The following MRPS2 variants were observed in gnomAD, a reference collection of about 807,000 sequenced individuals.
The protein encoded by MRPS2 is small ribosomal subunit protein uS2m.
Under a neutral mutation model 18.9 loss-of-function variants are expected in MRPS2, and 13 were observed. The ratio of observed to expected loss-of-function variants is 0.69; its 90% confidence interval spans 0.45 to 1.09. The LOEUF (loss-of-function observed/expected upper bound fraction) is 1.09, where lower values mean the gene tolerates loss of function less well. Among genes scored for constraint, MRPS2 ranks in the 50% least tolerant of loss-of-function variants. The pLI is 0.00. For missense variants in MRPS2, 389 were observed against 421.7 expected (o/e 0.92, Z 0.68); for synonymous variants, 186 against 178.4 (o/e 1.04, Z -0.34).
At chr9:135,501,503 C>A in intron 2 of MRPS2, 2 of 798,918 alleles carry the variant, frequency 2.5e-6, no homozygotes, top group Non-Finnish European at 3.4e-6. Context: ...TCTGGCTGGC[C>A]ACCTGAGACC....
intron 1 of MRPS2, 56 bp from the exon 2 acceptor site, chr9:135,500,942 A>G: frequency 6.2e-7 from 1 of 1,602,062 alleles, no homozygotes; most frequent in African/African-American, 1.3e-5. Flanking sequence ...TGCGGTGGGG[A>G]GCGGGCGTGG....
chr9:135,503,306 A>T, intron 3 of MRPS2: 1 of 1,395,816 alleles, frequency 7.2e-7, no homozygotes, highest in Non-Finnish European at 9.3e-7. Flanking sequence ...TCCTTCGGGA[A>T]GAGGTAGAGG....
In MRPS2 at chr9:135,500,988, T is replaced by G; in HGVS notation, c.44-10T>G. 6.2e-7 allele frequency: 1 copy of G among 1,611,454 alleles called. No homozygotes were observed. Among genetic ancestry groups the G allele is most frequent in the South Asian group, 1.1e-5 (1 of 90,940 alleles). ...ACTCGGCGCCAGGACCTCTATCTAC[T>G]TCCCCCCAGGTGCCCGGGCCCCGTC... is the stretch of plus-strand genomic sequence containing the variant. On this transcript the variant is annotated splice_polypyrimidine_tract_variant and intron_variant, in intron 1 of 3. Coordinates refer to ENST00000241600, the MANE Select transcript of MRPS2 (RefSeq NM_016034.5).
At position 135,504,007 on chromosome 9, in the gene MRPS2, G is replaced by A. The variant is rs199945795; in HGVS notation, c.765G>A (p.Thr255=). 4.3e-5 allele frequency: 70 copies of A among 1,613,398 alleles called. No homozygotes were observed. Among genetic ancestry groups the A allele is most frequent in the South Asian group, 1.8e-4 (16 of 91,092 alleles). ...ACCTCTACTGCAGGCTCTTCCAGAC[G>A]GCCATCACCCGGGCCAAGGAGAAGC... ...AVHLYCRLFQ[T]AITRAKEKRQ... is the part of the protein sequence containing the mutation. The change falls in exon 4 of 4, where the codon ACG becomes ACA. Residue 255 remains threonine (T), a synonymous_variant. Transcript: ENST00000241600. This position sits in a 1 kb window ranked among gnomAD's most constrained non-coding sequence, Gnocchi z 4.3.
upstream of MRPS2, chr9:135,500,216 T>C (rs1158819127): frequency 3.2e-6 from 1 of 317,082 alleles, no homozygotes; most frequent in Admixed American, 4.8e-5. Flanking sequence ...GATTGGACTT[T>C]TGCTGTCCAA....
intron 2 of MRPS2, 174 bp downstream of exon 2, chr9:135,501,297 G>A: frequency 7.0e-7 from 1 of 1,424,312 alleles, no homozygotes; most frequent in Non-Finnish European, 9.1e-7. Flanking sequence ...TAGCACAGCG[G>A]GCTGAGGCCA....
upstream of MRPS2, chr9:135,500,121 T>A (rs965449135): frequency 2.2e-6 from 1 of 459,288 alleles, no homozygotes; most frequent in Non-Finnish European, 3.8e-6. Context: ...GGGCGTGGAC[T>A]CCCGGGCGAA....
In MRPS2 at chr9:135,504,621, G is replaced by T. The variant is rs1831251634; in HGVS notation, c.*488G>T. ...CCAGCTGGGTTGGTGGGACAGCCAGGCCAGATGACCTGATTCCAGCAAAAA... is the reference window on the plus strand; with the variant it reads ...CCAGCTGGGTTGGTGGGACAGCCAGTCCAGATGACCTGATTCCAGCAAAAA... On this transcript the variant is annotated 3_prime_UTR_variant, in exon 4 of 4. Coordinates refer to ENST00000241600, the MANE Select transcript of MRPS2 (RefSeq NM_016034.5). This position sits in a 1 kb window ranked among gnomAD's most constrained non-coding sequence, Gnocchi z 4.3. 1 of 159,246 alleles carries T rather than the reference G, an allele frequency of 6.3e-6. No individual in the cohort carries two copies. The highest frequency in any genetic ancestry group is 1.4e-5 in the Non-Finnish European group (1 of 73,108). The allele number at this position is 159,246 out of a possible 1,614,324, so 9.9% of individuals were successfully genotyped here.
chr9:135,504,249 C>A lies in MRPS2; in HGVS notation c.*116C>A. 1.1e-6 allele frequency: 1 copy of A among 937,318 alleles called. No individual in the cohort carries two copies. The highest frequency in any genetic ancestry group is 1.6e-6 in the Non-Finnish European group (1 of 643,120). 58.1% of individuals were successfully genotyped at this position (937,318 alleles called of 1,614,324 possible). A position where few individuals can be genotyped will look rare whatever the true frequency, so the allele number is the denominator to read the frequency against. On this transcript the variant is annotated 3_prime_UTR_variant, in exon 4 of 4. Coordinates refer to ENST00000241600, the MANE Select transcript of MRPS2 (RefSeq NM_016034.5). The surrounding 1 kb of genome is among the most constrained non-coding windows in gnomAD (Gnocchi z 4.3). Reference sequence around the variant, plus strand: ...GTTGTTACTTACTCAGCTGATGTCACAGTGCAGACATCCACCGTTCCACCA... The same window carrying A: ...GTTGTTACTTACTCAGCTGATGTCAAAGTGCAGACATCCACCGTTCCACCA...
At chr9:135,501,262 C>G in intron 2 of MRPS2, 139 bp downstream of exon 2, 2 of 1,430,756 alleles carry the variant, frequency 1.4e-6, no homozygotes, top group Non-Finnish European at 1.8e-6. Context: ...CTCCCGTGCT[C>G]GCCGCCGCTC....
chr9:135,501,813 G>A (rs772322237), intron 2 of MRPS2, 31 bp from the exon 3 acceptor site: 2 of 1,610,858 alleles, frequency 1.2e-6, no homozygotes, highest in Admixed American at 3.3e-5. Context: ...ACCGGTGGGA[G>A]ACGCAGCGTC....
At chr9:135,503,279 G>A in intron 3 of MRPS2, 1 of 1,352,596 alleles carries the variant, frequency 7.4e-7, no homozygotes, top group Non-Finnish European at 9.5e-7. Context: ...TCCATATGGG[G>A]TCAGTTCTAT....
rs148092515 is a variant in MRPS2, at chr9:135,501,910, T to C, written c.236T>C (p.Phe79Ser). 1 of 1,613,832 alleles carries C rather than the reference T, an allele frequency of 6.2e-7. No individual in the cohort carries two copies. The highest frequency in any genetic ancestry group is 1.7e-5 in the Admixed American group (1 of 60,030). ...GACTTCTTCAATGTCAAGGAACTGT[T>C]TTCCGTGAGAAGCCTCTTCGATGCC... is the stretch of plus-strand genomic sequence containing the variant. ...HSDFFNVKEL[F>S]SVRSLFDARV... The change falls in exon 3 of 4, where the codon TTT becomes TCT. Residue 79 changes from phenylalanine to serine, a missense_variant. Transcript: ENST00000241600.
At position 135,504,120 on chromosome 9, in the gene MRPS2, G is replaced by A. The variant is rs1423931052; in HGVS notation, c.878G>A (p.Ser293Asn). The A allele has an allele frequency of 6.2e-7, 1 of 1,603,476 alleles. No homozygotes were observed. ...GCCCACCCTCCTGGGGCTGACATGAGCCATTCCCTGTGATGTTCACTCTCC... is the reference window on the plus strand; with the variant it reads ...GCCCACCCTCCTGGGGCTGACATGAACCATTCCCTGTGATGTTCACTCTCC... ...GPAHPPGADM[S>N]HSL Residue 293 changes from serine (S) to asparagine (N), a missense_variant, in exon 4 of 4, where the codon AGC becomes AAC. Ser to Asn is a conservative substitution (Grantham distance 46). Transcript: ENST00000241600. This position sits in a 1 kb window ranked among gnomAD's most constrained non-coding sequence, Gnocchi z 4.3.
chr9:135,501,164 G>C, intron 2 of MRPS2, 41 bp downstream of exon 2: 1 of 1,542,862 alleles, frequency 6.5e-7, no homozygotes, highest in Non-Finnish European at 8.7e-7. Flanking sequence ...GGAACGAGGA[G>C]AGGCCGGCAG....
upstream of MRPS2, chr9:135,500,675 C>T: frequency 6.9e-7 from 1 of 1,452,126 alleles, no homozygotes; most frequent in Non-Finnish European, 9.0e-7. Flanking sequence ...TCGGCCTGGC[C>T]TGGAGGGAGA....
rs761675294 is a variant in MRPS2 at position 135,504,033 on chromosome 9, G to A, written c.791G>A (p.Arg264Gln). Residue 264 changes from arginine to glutamine, a missense_variant, in exon 4 of 4, where the codon CGG becomes CAG. Transcript: ENST00000241600. This position sits in a 1 kb window ranked among gnomAD's most constrained non-coding sequence, Gnocchi z 4.3. ...QTAITRAKEK[R>Q]QQVEALYRLQ... Reference sequence around the variant, plus strand: ...GCCATCACCCGGGCCAAGGAGAAGCGGCAGCAGGTTGAGGCTCTCTATCGC... The same window carrying A: ...GCCATCACCCGGGCCAAGGAGAAGCAGCAGCAGGTTGAGGCTCTCTATCGC... The A allele has an allele frequency of 1.1e-5, 17 of 1,613,338 alleles. No homozygotes were observed. The highest frequency in any genetic ancestry group is 3.3e-5 in the South Asian group (3 of 91,086).
At chr9:135,500,935 G>A in intron 1 of MRPS2, 63 bp from the exon 2 acceptor site, 1 of 1,598,550 alleles carries the variant, frequency 6.3e-7, no homozygotes, top group Non-Finnish European at 8.6e-7. Flanking sequence ...TTGGGGATGC[G>A]GTGGGGAGCG....
At chr9:135,502,082 C>T in intron 3 of MRPS2, 109 bp downstream of exon 3, 1 of 1,537,904 alleles carries the variant, frequency 6.5e-7, no homozygotes, top group South Asian at 1.2e-5. Context: ...TAGGTGATTA[C>T]AGCCCCATCC....
Sources: gnomAD v4.1 joint callset for allele counts on GRCh38, gnomAD v4.1.1 for gene constraint, Gnocchi (gnomAD v3.1) non-coding constraint, MANE v1.5 for transcripts, NCBI Gene and HGNC (gene_info 2026-07-23, HGNC 2026-07-21) for gene names.